The following FSTL5 variants were observed in gnomAD, a reference collection of about 807,000 sequenced individuals.
FSTL5 encodes the protein follistatin-related protein 5.
A neutral mutation model predicts 89.1 loss-of-function variants in FSTL5; 62 were observed. The ratio of observed to expected loss-of-function variants is 0.70; its 90% CI spans 0.57 to 0.86. The LOEUF is 0.86. Ranked by LOEUF, FSTL5 falls within the 40% of genes least tolerant of loss-of-function variation. FSTL5 has a pLI of 0.00. For synonymous variants in FSTL5, 383 were observed against 346.2 expected, an observed-to-expected ratio of 1.11 and a Z score of -1.18; for missense variants, 1,057 against 1,001.6, an observed-to-expected ratio of 1.06 and a Z score of -0.75.
chr4:162,088,294 CT>C (rs1730402432), intron 2 of FSTL5, among the ~76,000 whole-genome samples: 1 of 151,864 alleles, frequency 6.6e-6, no homozygotes, highest in Non-Finnish European at 1.5e-5. Flanking sequence ...CCCCACTCAT[CT>C]TTTTTATACA....
chr4:161,595,944 T>C (rs1733999313), intron 7 of FSTL5, among the ~76,000 whole-genome samples: 1 of 152,028 alleles, frequency 6.6e-6, no homozygotes, highest in African/African-American at 2.4e-5. Flanking sequence ...TGTTTTGATA[T>C]ACACTGACAT....
intron 1 of FSTL5, among the ~76,000 whole-genome samples, chr4:162,134,084 T>A (rs1430616554): frequency 6.6e-6 from 1 of 152,202 alleles, no homozygotes; most frequent in Non-Finnish European, 1.5e-5. Context: ...GAATGGGTGA[T>A]CGCCATGGTT....
intron 4 of FSTL5, among the ~76,000 whole-genome samples, chr4:161,820,170 T>C (rs1049058084): frequency 1.3e-5 from 2 of 152,170 alleles, no homozygotes; most frequent in African/African-American, 4.8e-5. Flanking sequence ...TAGCAATTGA[T>C]AGAAATATTT....
chr4:161,449,744 T>C (rs1023198638), intron 15 of FSTL5, among the ~76,000 whole-genome samples: 4 of 152,132 alleles, frequency 2.6e-5, no homozygotes, highest in African/African-American at 7.2e-5. Context: ...CTTTTTTTTT[T>C]CATCAAATGG....
At chr4:162,137,221 T>C (rs981911845) in intron 1 of FSTL5, among the ~76,000 whole-genome samples, 24 of 152,150 alleles carry the variant, frequency 1.6e-4, no homozygotes, top group African/African-American at 5.5e-4. Flanking sequence ...ACTTTTAATA[T>C]GTACCAAAAT....
At chr4:161,772,389 A>C (rs1219523980) in intron 5 of FSTL5, among the ~76,000 whole-genome samples, 1 of 152,066 alleles carries the variant, frequency 6.6e-6, no homozygotes, top group Non-Finnish European at 1.5e-5. Context: ...ATGCAAAATG[A>C]TAAAGAGGAA....
At chr4:161,993,316 C>G (rs888249974) in intron 3 of FSTL5, among the ~76,000 whole-genome samples, 24 of 151,316 alleles carry the variant, frequency 1.6e-4, no homozygotes, top group Admixed American at 9.9e-4. Context: ...ATGACAAGAT[C>G]AACTAAGAAA....
At chr4:161,977,787 C>T (rs1017118276) in intron 3 of FSTL5, among the ~76,000 whole-genome samples, 2 of 151,478 alleles carry the variant, frequency 1.3e-5, no homozygotes, top group Admixed American at 1.3e-4. Context: ...ACCCACTATC[C>T]CTTTATAATC....
intron 12 of FSTL5, among the ~76,000 whole-genome samples, chr4:161,483,017 T>G (rs1180204186): frequency 6.6e-6 from 1 of 152,242 alleles, no homozygotes; most frequent in Non-Finnish European, 1.5e-5. Context: ...CTATGTACCA[T>G]GGCCATTACA....
intron 15 of FSTL5, among the ~76,000 whole-genome samples, chr4:161,414,129 T>TA (rs1397568128): frequency 6.6e-6 from 1 of 152,146 alleles, no homozygotes; most frequent in Non-Finnish European, 1.5e-5. Flanking sequence ...CACTTCAATA[T>TA]AAAAAATTAA....
intron 3 of FSTL5, among the ~76,000 whole-genome samples, chr4:162,009,154 CT>C (rs537033277): frequency 2.2e-3 from 331 of 152,116 alleles, no homozygotes; most frequent in African/African-American, 7.6e-3. Flanking sequence ...AACCGAAAGC[CT>C]TGTCCACCTT....
intron 8 of FSTL5, among the ~76,000 whole-genome samples, chr4:161,574,939 C>T (rs1468178109): frequency 6.6e-6 from 1 of 152,148 alleles, no homozygotes; most frequent in South Asian, 2.1e-4. Flanking sequence ...CCACAATGGT[C>T]GAACAACTAA....
intron 2 of FSTL5, among the ~76,000 whole-genome samples, chr4:162,073,643 T>G (rs994328386): frequency 6.6e-6 from 1 of 151,780 alleles, no homozygotes; most frequent in Admixed American, 6.6e-5. Context: ...ATATCTATTG[T>G]ACAGTGATTA....
At position 161,692,311 on chromosome 4, in the gene FSTL5, C is replaced by T. The variant is rs573902488; in HGVS notation, c.728-35817G>A. Among the ~76,000 whole-genome samples, 3 of 149,090 alleles carry T rather than the reference C, an allele frequency of 2.0e-5. No individual in the cohort carries two copies. In the South Asian group the frequency reaches 6.4e-4, roughly 32 times the overall value. On this transcript the variant is annotated intron_variant, in intron 6 of 15. Coordinates refer to ENST00000306100, the MANE Select transcript of FSTL5 (RefSeq NM_020116.5). Reference sequence around the variant, plus strand: ...AAAGTGTGTTGAATTTTATCAAATGCTTTTTCCACGTCTACTGAGATATGG... The same window carrying T: ...AAAGTGTGTTGAATTTTATCAAATGTTTTTTCCACGTCTACTGAGATATGG...
chr4:161,598,796 A>C (rs1734129034), intron 7 of FSTL5, among the ~76,000 whole-genome samples: 3 of 152,158 alleles, frequency 2.0e-5, no homozygotes. Context: ...AAAATTCTAA[A>C]CTGGACTTCT....
chr4:161,446,480 T>G (rs901844218), intron 15 of FSTL5, among the ~76,000 whole-genome samples: 2 of 151,972 alleles, frequency 1.3e-5, no homozygotes, highest in South Asian at 4.1e-4. Context: ...CAAGAAAAAT[T>G]TCATAAATTC....
intron 15 of FSTL5, among the ~76,000 whole-genome samples, chr4:161,421,251 G>A (rs1731981419): frequency 6.6e-6 from 1 of 151,412 alleles, no homozygotes; most frequent in Non-Finnish European, 1.5e-5. Flanking sequence ...TGAGGCAAGA[G>A]AATGGCATGA....
intron 7 of FSTL5, among the ~76,000 whole-genome samples, chr4:161,599,854 G>A (rs911420150): frequency 4.0e-5 from 6 of 151,628 alleles, no homozygotes; most frequent in Admixed American, 6.6e-5. Flanking sequence ...CAAAATATAG[G>A]TGTCATTGTG....
intron 5 of FSTL5, among the ~76,000 whole-genome samples, chr4:161,772,059 A>G (rs982504243): frequency 5.3e-5 from 8 of 152,074 alleles, no homozygotes; most frequent in Non-Finnish European, 1.2e-4. Flanking sequence ...TTCTTTATCC[A>G]CTGATTTTTT....
Sources: allele counts gnomAD v4.1 joint callset (sites outside exome capture counted in the v4.1 genomes callset), GRCh38; gene constraint gnomAD v4.1.1; transcripts MANE v1.5; gene names NCBI Gene and HGNC (gene_info 2026-07-23, HGNC 2026-07-21).